The following ACTA2 variants were observed in gnomAD, a reference collection of about 807,000 sequenced individuals.
ACTA2 encodes actin, aortic smooth muscle.
Under a neutral mutation model 39.5 loss-of-function variants are expected in ACTA2, and 12 were observed. The ratio of observed to expected loss-of-function variants is 0.30; its 90% confidence interval spans 0.19 to 0.49. ACTA2 has a LOEUF of 0.49. Ranked by LOEUF, ACTA2 falls within the 20% of genes least tolerant of loss-of-function variation. ACTA2 has a pLI of 0.99. For synonymous variants in ACTA2, 158 were observed against 180.6 expected (o/e 0.88, Z 1.00); for missense variants, 236 against 498.8 (o/e 0.47, Z 5.02).
intron 1 of ACTA2, among the ~76,000 whole-genome samples, chr10:88,970,773 A>T (rs976728597): frequency 2.0e-5 from 3 of 152,152 alleles, no homozygotes; most frequent in Admixed American, 1.3e-4. Context: ...AATGTAAATG[A>T]CAAGTTAATG....
chr10:88,948,257 A>C (rs576844435), intron 2 of ACTA2: 23 of 163,330 alleles, frequency 1.4e-4, no homozygotes, highest in Non-Finnish European at 2.7e-4. Flanking sequence ...GATGTGAAGA[A>C]GAATTTCTGA....
chr10:88,973,582 G>C (rs1203509533), intron 1 of ACTA2: 1 of 289,704 alleles, frequency 3.5e-6, no homozygotes, highest in Non-Finnish European at 6.3e-6. Flanking sequence ...TTCCCCAAAA[G>C]CATCTTTAAC....
chr10:88,967,643 C>A (rs749499285), intron 1 of ACTA2, among the ~76,000 whole-genome samples: 1 of 152,174 alleles, frequency 6.6e-6, no homozygotes, highest in Non-Finnish European at 1.5e-5. Flanking sequence ...GTTTCTTGAA[C>A]TTTCAAAGAC....
intron 3 of ACTA2, among the ~76,000 whole-genome samples, chr10:88,944,901 A>C (rs1845918049): frequency 6.6e-6 from 1 of 152,268 alleles, no homozygotes; most frequent in Non-Finnish European, 1.5e-5. Flanking sequence ...AAAACAGAGC[A>C]AAACAAGAAC....
chr10:88,940,220 T>G (rs1589393138), intron 6 of ACTA2: 1 of 200,842 alleles, frequency 5.0e-6, no homozygotes, highest in Non-Finnish European at 1.0e-5. Context: ...AGGAAAGAGG[T>G]GGTGCTGTCT....
At chr10:88,968,383 T>C (rs1462760720) in intron 1 of ACTA2, among the ~76,000 whole-genome samples, 2 of 152,198 alleles carry the variant, frequency 1.3e-5, no homozygotes, top group Admixed American at 1.3e-4. Flanking sequence ...TTGATCATCT[T>C]GGGTTTAAAA....
At chr10:88,959,241 T>C (rs1846188841) in intron 1 of ACTA2, among the ~76,000 whole-genome samples, 1 of 152,156 alleles carries the variant, frequency 6.6e-6, no homozygotes, top group Non-Finnish European at 1.5e-5. Flanking sequence ...ACAGGAGTAA[T>C]AAGTTTTAAA....
At chr10:88,956,632 C>T (rs1846143280), upstream of ACTA2, among the ~76,000 whole-genome samples, 1 of 152,192 alleles carries the variant, frequency 6.6e-6, no homozygotes, top group Admixed American at 6.5e-5. Flanking sequence ...TACATACCCC[C>T]ATCTCACCAC....
At chr10:88,941,110 G>T (rs779456234) in intron 6 of ACTA2, 119 bp downstream of exon 6, 1 of 1,268,002 alleles carries the variant, frequency 7.9e-7, no homozygotes, top group Non-Finnish European at 1.1e-6. Flanking sequence ...GTGCATTAGA[G>T]CCAGGCCTTG....
rs138340808 is a variant in ACTA2, at chr10:88,946,669, C to T, written c.258+589G>A. Reference sequence around the variant, plus strand: ...GGCCTCCCAAAGTGTTGGGATTACACGTGTGAGCAACCATGCCTGGCAAGG... The same window carrying T: ...GGCCTCCCAAAGTGTTGGGATTACATGTGTGAGCAACCATGCCTGGCAAGG... On this transcript the variant is annotated intron_variant, in intron 3 of 8. Coordinates refer to ENST00000224784, the MANE Select transcript of ACTA2 (RefSeq NM_001613.4). Among the ~76,000 whole-genome samples, 436 of 151,968 alleles carry T rather than the reference C, an allele frequency of 2.9e-3. 4 individuals carry two copies. Among genetic ancestry groups the T allele is most frequent in the African/African-American group, 0.01 (424 of 41,448 alleles).
At chr10:88,972,807 G>A (rs1846479152) in intron 1 of ACTA2, among the ~76,000 whole-genome samples, 1 of 152,124 alleles carries the variant, frequency 6.6e-6, no homozygotes, top group Non-Finnish European at 1.5e-5. Context: ...TTAACTATAT[G>A]TGCTATCAAA....
intron 1 of ACTA2, among the ~76,000 whole-genome samples, chr10:88,975,953 AAATT>A (rs1179244549): frequency 1.3e-5 from 2 of 152,208 alleles, no homozygotes; most frequent in African/African-American, 2.4e-5. Context: ...TTTGGCTGAC[AAATT>A]AATTGTCACC....
intron 1 of ACTA2, among the ~76,000 whole-genome samples, chr10:88,980,133 G>T (rs117466161): frequency 0.012 from 1,821 of 152,208 alleles, 24 homozygotes; most frequent in Middle Eastern, 0.031. Context: ...CCACCCTTCT[G>T]GTCTGGACAG....
chr10:88,979,600 T>A (rs1846659327), intron 1 of ACTA2, among the ~76,000 whole-genome samples: 1 of 152,058 alleles, frequency 6.6e-6, no homozygotes, highest in South Asian at 2.1e-4. Context: ...CTCTTTTAAT[T>A]GTTAATGATG....
In ACTA2 at chr10:88,976,552, C is replaced by A. The variant is rs1385063606; in HGVS notation, c.-24+14387G>T. Among the ~76,000 whole-genome samples, 4 of 152,098 alleles carry A rather than the reference C, an allele frequency of 2.6e-5. No individual in the cohort carries two copies. The South Asian group carries it at 8.3e-4, about 32-fold the overall frequency. On this transcript the variant is annotated intron_variant, in intron 1 of 4. Coordinates refer to the ACTA2 transcript ENST00000415557. ...GTTTTGACCCTAAAATTTTGTAGTT[C>A]TATAGCAAAAACCCACTTCCTTTCC...
chr10:88,937,260 G>A (rs1845759570), intron 8 of ACTA2, among the ~76,000 whole-genome samples: 1 of 152,226 alleles, frequency 6.6e-6, no homozygotes. Flanking sequence ...ACAGAAGGGA[G>A]TGCAAAGAGG....
intron 1 of ACTA2, among the ~76,000 whole-genome samples, chr10:88,965,313 T>G (rs1436815973): frequency 1.3e-5 from 2 of 152,142 alleles, no homozygotes; most frequent in African/African-American, 4.8e-5. Context: ...AGGAATTTGG[T>G]TAAGCAACTT....
At chr10:88,975,658 G>A (rs1387528268) in intron 1 of ACTA2, among the ~76,000 whole-genome samples, 1 of 151,186 alleles carries the variant, frequency 6.6e-6, no homozygotes, top group Non-Finnish European at 1.5e-5. Flanking sequence ...TTTTTTCAAT[G>A]TTGGTCAATG....
rs112208466 is a variant in ACTA2, at chr10:88,939,508, G to A, written c.807C>T (p.Ile269=). ...AGGAAAAGGGCGTTTGTTGCCTACC[G>A]ATGAAGGATGGCTGGAACAGGGTCT... The part of the protein sequence containing the change: ...CPETLFQPSF[I]GMESAGIHET... Residue 269 remains isoleucine (I), a splice_region_variant and synonymous_variant, in exon 7 of 9, where the codon ATC becomes ATT. Coordinates refer to ENST00000224784, the MANE Select transcript of ACTA2 (RefSeq NM_001613.4). The A allele has an allele frequency of 7.5e-5, 121 of 1,613,028 alleles. 1 individual carries two copies. In the East Asian group the frequency reaches 1.5e-3, roughly 20 times the overall value.
Sources: gnomAD v4.1 joint callset for allele counts (sites outside exome capture counted in the v4.1 genomes callset) on GRCh38, gnomAD v4.1.1 for gene constraint, MANE v1.5 for transcripts, NCBI Gene and HGNC (gene_info 2026-07-23, HGNC 2026-07-21) for gene names.